Variants in BTBD8 observed in about 807,000 individuals in gnomAD.
BTBD8 encodes BTB/POZ domain-containing protein 8.
In BTBD8, 110 loss-of-function variants were observed where a neutral mutation model predicts 162.9. The observed-to-expected ratio is 0.68, with a 90% CI of 0.58 to 0.79. BTBD8 has a LOEUF of 0.79. Ranked by LOEUF, BTBD8 falls within the 30% of genes least tolerant of loss-of-function variation. BTBD8 has a pLI of 0.00. For missense variants in BTBD8, 1,905 were observed against 2,085.4 expected (o/e 0.91, Z 1.68); for synonymous variants, 667 against 716.1 (o/e 0.93, Z 1.10).
At chr1:92,173,602 T>G (rs1467641029) in intron 13 of BTBD8, among the ~76,000 whole-genome samples, 1 of 152,162 alleles carries the variant, frequency 6.6e-6, no homozygotes, top group Non-Finnish European at 1.5e-5. Flanking sequence ...GTCTAAGTCT[T>G]TTTTCTGTTA....
intron 4 of BTBD8, among the ~76,000 whole-genome samples, chr1:92,108,966 A>G (rs1458936094): frequency 6.6e-6 from 1 of 152,198 alleles, no homozygotes; most frequent in African/African-American, 2.4e-5. Context: ...AATAGTAGTA[A>G]TATTTGTACT....
At chr1:92,182,740 T>A in intron 17 of BTBD8, 145 bp downstream of exon 17, 1 of 499,996 alleles carries the variant, frequency 2.0e-6, no homozygotes, top group Non-Finnish European at 3.4e-6. Flanking sequence ...AAAAATGTCT[T>A]AATATGAAAA....
At chr1:92,096,188 C>T (rs1402736371) in intron 2 of BTBD8, among the ~76,000 whole-genome samples, 5 of 152,112 alleles carry the variant, frequency 3.3e-5, no homozygotes, top group Non-Finnish European at 5.9e-5. Flanking sequence ...AGGCTGGTCT[C>T]GAGCTCCTGA....
chr1:92,125,972 A>G, intron 4 of BTBD8: 1 of 458,966 alleles, frequency 2.2e-6, no homozygotes, highest in Non-Finnish European at 4.4e-6. Context: ...CCACTGTCAA[A>G]GCAAAGGCAA....
intron 10 of BTBD8, 114 bp from the exon 11 acceptor site, chr1:92,167,734 C>A: frequency 1.3e-6 from 1 of 786,678 alleles, no homozygotes; most frequent in Non-Finnish European, 1.9e-6. Context: ...GGAAAAAATA[C>A]GATTTCTGGT....
intron 2 of BTBD8, among the ~76,000 whole-genome samples, chr1:92,093,749 T>C (rs964854559): frequency 1.3e-5 from 2 of 152,214 alleles, no homozygotes; most frequent in African/African-American, 2.4e-5. Context: ...GATTGTTTTA[T>C]AGGTAGTGAC....
chr1:92,155,362 A>C (rs921761100), intron 9 of BTBD8, among the ~76,000 whole-genome samples: 1 of 152,166 alleles, frequency 6.6e-6, no homozygotes, highest in African/African-American at 2.4e-5. Flanking sequence ...ACTTTTTAGC[A>C]ACATTAAGTC....
Position 92,119,295 on chromosome 1 carries a change from T to C in BTBD8, c.663-10392T>C, listed in dbSNP as rs1358819842. Among the ~76,000 whole-genome samples the C allele has an allele frequency of 5.4e-5, 8 of 148,628 alleles. 1 individual carries two copies. The highest frequency in any genetic ancestry group is 2.0e-4 in the African/African-American group (8 of 39,426). On this transcript the variant is annotated intron_variant, in intron 4 of 17. Coordinates refer to ENST00000636805, the MANE Select transcript of BTBD8 (RefSeq NM_001376131.1). Reference sequence around the variant, plus strand: ...AATTTTTTTCTTTTTTTCTTTTTTTTTTTTTTTTGAGACAGGGTCTTGCTC... The same window carrying C: ...AATTTTTTTCTTTTTTTCTTTTTTTCTTTTTTTTGAGACAGGGTCTTGCTC...
At chr1:92,132,082 G>A (rs564515424) in intron 5 of BTBD8, among the ~76,000 whole-genome samples, 7 of 152,132 alleles carry the variant, frequency 4.6e-5, no homozygotes, top group African/African-American at 1.2e-4. Context: ...AAAGTTTTCC[G>A]ATTGGTATGT....
chr1:92,142,576 GTCAT>G (rs1396066424), intron 7 of BTBD8, among the ~76,000 whole-genome samples: 2 of 152,318 alleles, frequency 1.3e-5, no homozygotes, highest in East Asian at 3.9e-4. Flanking sequence ...TACAGTTATT[GTCAT>G]ACAGAGAAAA....
intron 2 of BTBD8, 118 bp downstream of exon 2, chr1:92,089,013 C>G (rs915970952): frequency 2.1e-6 from 2 of 972,322 alleles, no homozygotes; most frequent in Admixed American, 2.9e-5. Context: ...AATCCATTCA[C>G]TTAAATTCCA....
At chr1:92,180,194 A>C in intron 16 of BTBD8, 71 bp from the exon 17 acceptor site, 1 of 1,143,296 alleles carries the variant, frequency 8.7e-7, no homozygotes, top group Non-Finnish European at 1.2e-6. Flanking sequence ...ATTTTAAAAC[A>C]AATTACTAAA....
chr1:92,169,114 A>G (rs760879960), intron 12 of BTBD8, 119 bp downstream of exon 12: 31 of 973,618 alleles, frequency 3.2e-5, no homozygotes, highest in Non-Finnish European at 4.4e-5. Flanking sequence ...GGATAATAGG[A>G]TAACTGAAAC....
In BTBD8 at chr1:92,178,363, A is replaced by G. The variant is rs1330278061; in HGVS notation, c.2493A>G (p.Ala831=). The change falls in exon 16 of 18, where the codon GCA becomes GCG. Residue 831 remains alanine (A), a synonymous_variant. Coordinates refer to ENST00000636805, the MANE Select transcript of BTBD8 (RefSeq NM_001376131.1). Reference sequence around the variant, plus strand: ...GATGTAGTGAGCCAGTACCACAGGCAATTTTGAAGAAAAGAGGAACTAGCA... The same window carrying G: ...GATGTAGTGAGCCAGTACCACAGGCGATTTTGAAGAAAAGAGGAACTAGCA... ...GKGCSEPVPQ[A]ILKKRGTSNG... 3 of 1,551,670 alleles carry G rather than the reference A, an allele frequency of 1.9e-6. No homozygotes were observed. The South Asian group carries it at 3.6e-5, about 18-fold the overall frequency.
chr1:92,150,686 G>A (rs2100643143), intron 9 of BTBD8: 1 of 152,272 alleles, frequency 6.6e-6, no homozygotes, highest in East Asian at 1.9e-4. Flanking sequence ...TCCAGCGCAG[G>A]GTGCACTCAC....
chr1:92,126,821 A>G (rs962288305), intron 4 of BTBD8, among the ~76,000 whole-genome samples: 7 of 152,292 alleles, frequency 4.6e-5, no homozygotes, highest in East Asian at 1.9e-4. Context: ...TTTAACTGAC[A>G]TAACTTTCCG....
chr1:92,126,538 T>C (rs1373893732), intron 4 of BTBD8: 3 of 520,298 alleles, frequency 5.8e-6, no homozygotes, highest in Non-Finnish European at 1.1e-5. Context: ...TTATTTTCGC[T>C]ATTTGCAGTG....
Position 92,181,076 on chromosome 1 carries a change from A to C in BTBD8, c.3393A>C (p.Lys1131Asn). 6.4e-7 allele frequency: 1 copy of C among 1,551,714 alleles called. No individual in the cohort carries two copies. The highest frequency in any genetic ancestry group is 8.7e-7 in the Non-Finnish European group (1 of 1,146,988). ...ISDRENQVGR[K>N]DTNKQSSIKC... The stretch of plus-strand genomic sequence containing the variant: ...ATAGGGAGAACCAAGTAGGGAGAAA[A>C]GATACAAACAAACAATCAAGTATTA... The change falls in exon 17 of 18, where the codon AAA becomes AAC. Residue 1131 changes from lysine to asparagine, a missense_variant. By Grantham distance (94) the Lys-to-Asn change is moderately conservative (BLOSUM62 0). Transcript: ENST00000636805.
In BTBD8 at chr1:92,088,743, T is replaced by C. The variant is rs1344208778; in HGVS notation, c.195T>C (p.Gly65=). 1.9e-6 allele frequency: 3 copies of C among 1,612,460 alleles called. No homozygotes were observed. Among genetic ancestry groups the C allele is most frequent in the Admixed American group, 1.7e-5 (1 of 59,970 alleles). The part of the protein sequence containing the change: ...EFHTDVTFSV[G]CTLFKAHKAV... ...ATACAGATGTTACCTTCTCTGTGGGTTGTACTTTGTTCAAAGCACACAAAG... is the reference window on the plus strand; with the variant it reads ...ATACAGATGTTACCTTCTCTGTGGGCTGTACTTTGTTCAAAGCACACAAAG... Residue 65 remains glycine (G), a synonymous_variant, in exon 2 of 18, where the codon GGT becomes GGC. Coordinates refer to ENST00000636805, the MANE Select transcript of BTBD8 (RefSeq NM_001376131.1).
Sources: gnomAD v4.1 joint callset for allele counts (sites outside exome capture counted in the v4.1 genomes callset) on GRCh38, gnomAD v4.1.1 for gene constraint, MANE v1.5 for transcripts, NCBI Gene and HGNC (gene_info 2026-07-23, HGNC 2026-07-21) for gene names.